Variants in MYO3B observed in about 807,000 individuals in gnomAD.
MYO3B encodes myosin-IIIb.
Under a neutral mutation model 174.6 loss-of-function variants are expected in MYO3B, and 156 were observed. That is an observed-to-expected ratio of 0.89 (90% CI 0.78 to 1.02). MYO3B has a LOEUF of 1.02. Ranked by LOEUF, MYO3B falls within the 50% of genes least tolerant of loss-of-function variation. The pLI, the probability that MYO3B is intolerant of heterozygous loss-of-function variation, is 0.00. For missense variants in MYO3B, 1,632 were observed against 1,639.4 expected, an observed-to-expected ratio of 1.00 and a Z score of 0.08; for synonymous variants, 563 against 569.1, an observed-to-expected ratio of 0.99 and a Z score of 0.15.
At chr2:170,650,808 C>CGAG (rs772819431) in intron 32 of MYO3B, among the ~76,000 whole-genome samples, 9 of 150,934 alleles carry the variant, frequency 6.0e-5, no homozygotes, top group Non-Finnish European at 8.8e-5. Context: ...CTCAGCCTCC[C>CGAG]GAGTAGCTGG....
intron 7 of MYO3B, among the ~76,000 whole-genome samples, chr2:170,291,679 T>A (rs1261762116): frequency 6.6e-6 from 1 of 151,410 alleles, no homozygotes; most frequent in East Asian, 1.9e-4. Flanking sequence ...ATTCAAAGGA[T>A]AATTTTGCTG....
chr2:170,630,646 T>A (rs1392873184), intron 32 of MYO3B, among the ~76,000 whole-genome samples: 1 of 152,182 alleles, frequency 6.6e-6, no homozygotes, highest in South Asian at 2.1e-4. Flanking sequence ...CACCTCCCAG[T>A]AGAGGCCGAC....
At chr2:170,578,159 A>G (rs6741226) in intron 32 of MYO3B, among the ~76,000 whole-genome samples, 68,906 of 152,068 alleles carry the variant, frequency 0.45, 16,109 homozygotes, top group East Asian at 0.68. Flanking sequence ...TAGAAGGGGC[A>G]TATGCTCTCC....
chr2:170,330,243 T>C (rs980992671), intron 7 of MYO3B, among the ~76,000 whole-genome samples: 1 of 152,228 alleles, frequency 6.6e-6, no homozygotes, highest in African/African-American at 2.4e-5. Context: ...TGTGCTTTAA[T>C]GTTTGAGGGC....
chr2:170,573,878 G>A (rs1287217676), intron 32 of MYO3B, among the ~76,000 whole-genome samples: 1 of 152,140 alleles, frequency 6.6e-6, no homozygotes, highest in African/African-American at 2.4e-5. Context: ...TTATTAACTA[G>A]AATCTCAGTT....
At chr2:170,426,849 C>G (rs574545231) in intron 22 of MYO3B, among the ~76,000 whole-genome samples, 145 of 151,866 alleles carry the variant, frequency 9.5e-4, no homozygotes, top group African/African-American at 3.2e-3. Context: ...GAAACCCCGT[C>G]TCTACTAAAA....
intron 32 of MYO3B, among the ~76,000 whole-genome samples, chr2:170,567,827 A>C (rs1289054267): frequency 6.6e-6 from 1 of 152,244 alleles, no homozygotes; most frequent in African/African-American, 2.4e-5. Context: ...GATGAAATTT[A>C]GACATGGGAT....
At chr2:170,615,991 T>G (rs1022165611) in intron 32 of MYO3B, among the ~76,000 whole-genome samples, 2 of 152,184 alleles carry the variant, frequency 1.3e-5, no homozygotes, top group African/African-American at 4.8e-5. Flanking sequence ...TATAGAGAGA[T>G]AAGAATTTAC....
At chr2:170,588,811 A>T (rs1423125369) in intron 32 of MYO3B, among the ~76,000 whole-genome samples, 1 of 152,218 alleles carries the variant, frequency 6.6e-6, no homozygotes, top group East Asian at 1.9e-4. Flanking sequence ...GGATTATAAC[A>T]TCTATGACTG....
intron 32 of MYO3B, among the ~76,000 whole-genome samples, chr2:170,622,007 C>T (rs1695962797): frequency 6.6e-6 from 1 of 152,174 alleles, no homozygotes; most frequent in Non-Finnish European, 1.5e-5. Flanking sequence ...AATCTTGCAA[C>T]TTGGCAGTTG....
intron 25 of MYO3B, among the ~76,000 whole-genome samples, chr2:170,482,991 C>A (rs1325980618): frequency 6.6e-6 from 1 of 152,260 alleles, no homozygotes; most frequent in Non-Finnish European, 1.5e-5. Context: ...CTGCCTTTTT[C>A]ATGGAGCCCA....
At chr2:170,389,519 A>G (rs2094398035) in intron 14 of MYO3B, among the ~76,000 whole-genome samples, 1 of 152,226 alleles carries the variant, frequency 6.6e-6, no homozygotes, top group East Asian at 1.9e-4. Flanking sequence ...AGCCTAGCCA[A>G]TCTTGACAGA....
intron 27 of MYO3B, among the ~76,000 whole-genome samples, 160 bp from the exon 28 acceptor site, chr2:170,501,625 C>T (rs915318869): frequency 1.1e-4 from 16 of 152,196 alleles, no homozygotes; most frequent in African/African-American, 3.1e-4. Context: ...AGAGGCCTCT[C>T]TTCTCGCCAT....
At chr2:170,244,635 A>C (rs1188827327) in intron 7 of MYO3B, among the ~76,000 whole-genome samples, 2 of 152,216 alleles carry the variant, frequency 1.3e-5, no homozygotes, top group African/African-American at 4.8e-5. Flanking sequence ...GCAGACTACT[A>C]TCTGGTGAGC....
At chr2:170,199,436 C>A in intron 2 of MYO3B, 45 bp downstream of exon 2, 1 of 1,357,906 alleles carries the variant, frequency 7.4e-7, no homozygotes, top group Non-Finnish European at 9.9e-7. Flanking sequence ...GTGTTTTATG[C>A]ACACTGAGTT....
At chr2:170,582,620 A>C (rs569976682) in intron 32 of MYO3B, among the ~76,000 whole-genome samples, 2 of 152,066 alleles carry the variant, frequency 1.3e-5, no homozygotes, top group Admixed American at 1.3e-4. Context: ...CCTTTCTGCC[A>C]CTTTGCCACC....
chr2:170,649,263 A>T (rs1461346229), intron 32 of MYO3B, among the ~76,000 whole-genome samples: 5 of 35,450 alleles, frequency 1.4e-4, no homozygotes, highest in East Asian at 9.3e-4. Context: ...ATAATATATA[A>T]TATATTATAT....
At chr2:170,430,375 T>TA (rs1306058517) in intron 22 of MYO3B, among the ~76,000 whole-genome samples, 1 of 12,602 alleles carries the variant, frequency 7.9e-5, no homozygotes, top group Non-Finnish European at 1.8e-4. Flanking sequence ...TCTGGATAGC[T>TA]TTTTTTTTTT....
At chr2:170,502,740 A>G (rs1687356035) in intron 28 of MYO3B, among the ~76,000 whole-genome samples, 1 of 152,192 alleles carries the variant, frequency 6.6e-6, no homozygotes, top group Non-Finnish European at 1.5e-5. Context: ...AGGCTGGTAG[A>G]CTCAGCAGCA....
Sources: gnomAD v4.1 joint callset for allele counts (sites outside exome capture counted in the v4.1 genomes callset) on GRCh38, gnomAD v4.1.1 for gene constraint, MANE v1.5 for transcripts, NCBI Gene and HGNC (gene_info 2026-07-23, HGNC 2026-07-21) for gene names.